RBM20: variants seen among roughly 807,000 people sequenced by gnomAD.
The protein encoded by RBM20 is RNA-binding protein 20.
In RBM20, 51 loss-of-function variants were observed where a neutral mutation model predicts 110.1. That is an observed-to-expected ratio of 0.46 (90% CI 0.37 to 0.59). RBM20 has a LOEUF of 0.59. RBM20 is among the 20% of genes least tolerant of loss of function. RBM20 has a pLI of 0.00. For synonymous variants in RBM20, 589 were observed against 618.2 expected (o/e 0.95, Z 0.70); for missense variants, 1,512 against 1,574.9 (o/e 0.96, Z 0.68).
At chr10:110,713,540 T>C (rs72823847) in intron 1 of RBM20, among the ~76,000 whole-genome samples, 14,679 of 152,236 alleles carry the variant, frequency 0.096, 949 homozygotes, top group Non-Finnish European at 0.14. Flanking sequence ...GGCAGAGTAG[T>C]CATTTAATAA....
chr10:110,704,477 A>T (rs970877602), intron 1 of RBM20, among the ~76,000 whole-genome samples: 1 of 152,264 alleles, frequency 6.6e-6, no homozygotes, highest in African/African-American at 2.4e-5. Context: ...TACTTTAATA[A>T]TTATAAAAAA....
chr10:110,729,482 A>G (rs148977538), intron 1 of RBM20, among the ~76,000 whole-genome samples: 1 of 152,298 alleles, frequency 6.6e-6, no homozygotes, highest in Non-Finnish European at 1.5e-5. Context: ...ATCAACCCAC[A>G]GTTTCACAAT....
intron 1 of RBM20, among the ~76,000 whole-genome samples, chr10:110,657,021 C>CTT (rs58478679): frequency 7.0e-6 from 1 of 142,980 alleles, no homozygotes; most frequent in Admixed American, 7.0e-5. Context: ...TATGGTAATT[C>CTT]TTTTTTTTTT....
chr10:110,812,210 T>G, intron 8 of RBM20, 68 bp from the exon 9 acceptor site: 1 of 1,347,744 alleles, frequency 7.4e-7, no homozygotes, highest in South Asian at 1.4e-5. Context: ...AGACTGTGTG[T>G]CTGTGTGTGG....
chr10:110,703,459 G>T (rs1328706003), intron 1 of RBM20, among the ~76,000 whole-genome samples: 1 of 152,008 alleles, frequency 6.6e-6, no homozygotes, highest in African/African-American at 2.4e-5. Flanking sequence ...ATAATGATGA[G>T]ATTTCCCATG....
In RBM20 at chr10:110,644,929, T is replaced by G. The variant is rs975471426; in HGVS notation, c.191+284T>G. On this transcript the variant is annotated intron_variant, in intron 1 of 13. Coordinates refer to ENST00000369519, the MANE Select transcript of RBM20 (RefSeq NM_001134363.3). The surrounding 1 kb of genome is among the most constrained non-coding windows in gnomAD (Gnocchi z 4.3). ...TATTTTGAACTAAAATAGCTCAGAT[T>G]GGGGGGAAATGGCCCAGCGACTGTA... is the stretch of plus-strand genomic sequence containing the variant. Among the ~76,000 whole-genome samples, 3 of 152,086 alleles carry G rather than the reference T, an allele frequency of 2.0e-5. No individual in the cohort carries two copies. Among genetic ancestry groups the G allele is most frequent in the African/African-American group, 7.2e-5 (3 of 41,398 alleles).
At chr10:110,817,893 G>A (rs564756808) in intron 9 of RBM20, among the ~76,000 whole-genome samples, 91 of 152,230 alleles carry the variant, frequency 6.0e-4, no homozygotes, top group Admixed American at 2.4e-3. Context: ...TTGTCAACAG[G>A]GCCTACACTA....
At chr10:110,644,276 C>A, upstream of RBM20, 1 of 438,262 alleles carries the variant, frequency 2.3e-6, no homozygotes, top group Non-Finnish European at 3.9e-6. The surrounding 1 kb of genome is among the most constrained non-coding windows in gnomAD (Gnocchi z 4.3). Flanking sequence ...CGAGCTGGAG[C>A]AGCGGGAGGA....
chr10:110,777,054 T>A (rs1174683514), intron 1 of RBM20, among the ~76,000 whole-genome samples: 2 of 152,246 alleles, frequency 1.3e-5, no homozygotes, highest in African/African-American at 4.8e-5. Context: ...CAGATTCTGA[T>A]GAGCCATACC....
intron 1 of RBM20, among the ~76,000 whole-genome samples, chr10:110,703,424 G>A (rs534029787): frequency 3.4e-4 from 52 of 151,820 alleles, no homozygotes; most frequent in African/African-American, 1.2e-3. Flanking sequence ...GAATGTATCA[G>A]TTAAAAATAA....
At position 110,812,546 on chromosome 10, in the gene RBM20, C is replaced by A. The variant is rs551819918; in HGVS notation, c.2149C>A (p.Gln717Lys). 20 of 1,551,736 alleles carry A rather than the reference C, an allele frequency of 1.3e-5. No individual in the cohort carries two copies. In the East Asian group the frequency reaches 3.7e-4, roughly 28 times the overall value. ...WAHDRKHHPR[Q>K]LDKAELDERP... ...ACATGATCGCAAACACCACCCCCGG[C>A]AACTGGACAAGGCTGAGTTGGACGA... Residue 717 changes from glutamine (Q) to lysine (K), a missense_variant, in exon 9 of 14, where the codon CAA becomes AAA. By Grantham distance (53) the Gln-to-Lys change is moderately conservative. Coordinates refer to ENST00000369519, the MANE Select transcript of RBM20 (RefSeq NM_001134363.3).
intron 1 of RBM20, among the ~76,000 whole-genome samples, chr10:110,652,840 A>T (rs989207325): frequency 6.6e-6 from 1 of 152,224 alleles, no homozygotes; most frequent in Admixed American, 6.5e-5. Context: ...TACCAGCCTT[A>T]GTCTACTCAC....
chr10:110,813,834 TCAAAAA>T (rs1564661783), intron 9 of RBM20, among the ~76,000 whole-genome samples: 1 of 26,614 alleles, frequency 3.8e-5, no homozygotes. Flanking sequence ...AAACTCTATT[TCAAAAA>T]AAAAAAAAAA....
In RBM20 at chr10:110,838,725, G is replaced by C. The variant is rs1433355875; in HGVS notation, c.*2747G>C. The C allele has an allele frequency of 1.3e-5, 2 of 148,224 alleles. No individual in the cohort carries two copies. The highest frequency in any genetic ancestry group is 6.9e-5 in the Admixed American group (1 of 14,424). The allele number at this position is 148,224 out of a possible 1,614,324, so 9.2% of individuals were successfully genotyped here. The stretch of plus-strand genomic sequence containing the variant: ...TGTTATGGCTCTCTTGTGATAGACT[G>C]GCCTTCATATTGGAGAGCTAGGGAG... On this transcript the variant is annotated 3_prime_UTR_variant, in exon 14 of 14. Coordinates refer to ENST00000369519, the MANE Select transcript of RBM20 (RefSeq NM_001134363.3).
Position 110,821,741 on chromosome 10 carries a change from C to T in RBM20, c.3122C>T (p.Pro1041Leu), listed in dbSNP as rs1844914432. Residue 1041 changes from proline (P) to leucine (L), a missense_variant, in exon 11 of 14, where the codon CCT (proline) becomes CTT (leucine). Physicochemically the swap from Pro to Leu is moderately conservative, Grantham distance 98. Around this residue, in one of 3 missense-constraint regions of RBM20, gnomAD observed 358 missense variants for 384.2 expected, o/e 0.93. Coordinates refer to ENST00000369519, the MANE Select transcript of RBM20 (RefSeq NM_001134363.3). Reference protein sequence around the residue: ...GVESSDVHPAPTVQQMSSPKP... With the variant: ...GVESSDVHPALTVQQMSSPKP... ...GAGAGCTCAGATGTTCATCCAGCCC[C>T]TACAGTCCAGCAAATGTCTTCCCCT... is the stretch of plus-strand genomic sequence containing the variant. The T allele has an allele frequency of 1.3e-6, 2 of 1,551,776 alleles. No individual in the cohort carries two copies. Among genetic ancestry groups the T allele is most frequent in the East Asian group, 2.4e-5 (1 of 40,920 alleles).
chr10:110,687,801 G>T (rs1342636940), intron 1 of RBM20, among the ~76,000 whole-genome samples: 1 of 152,160 alleles, frequency 6.6e-6, no homozygotes, highest in African/African-American at 2.4e-5. Context: ...TACATCAATT[G>T]TGTCATTGCT....
intron 1 of RBM20, among the ~76,000 whole-genome samples, chr10:110,721,781 T>A (rs7905799): frequency 0.7 from 107,085 of 152,002 alleles, 38,250 homozygotes; most frequent in East Asian, 1. Flanking sequence ...TGAAGGCCTA[T>A]AAATAGGTGT....
chr10:110,710,482 T>C (rs866173260), intron 1 of RBM20, among the ~76,000 whole-genome samples: 1 of 145,084 alleles, frequency 6.9e-6, no homozygotes, highest in Non-Finnish European at 1.5e-5. Context: ...CAACTGAATA[T>C]TGGGGCTGCC....
intron 12 of RBM20, 92 bp from the exon 13 acceptor site, chr10:110,830,969 G>A: frequency 3.1e-6 from 4 of 1,291,240 alleles, no homozygotes; most frequent in Non-Finnish European, 4.2e-6. Context: ...TGGAGCTCGT[G>A]GCTCCCATTT....
Sources: gnomAD v4.1 joint callset for allele counts (sites outside exome capture counted in the v4.1 genomes callset) on GRCh38, gnomAD v4.1.1 for gene constraint, gnomAD v4.1.1 regional missense constraint, Gnocchi (gnomAD v3.1) non-coding constraint, MANE v1.5 for transcripts, NCBI Gene and HGNC (gene_info 2026-07-23, HGNC 2026-07-21) for gene names.